PLCB4: variants seen among roughly 807,000 people sequenced by gnomAD.
The protein encoded by PLCB4 is phospholipase C beta 4.
PLCB4 carries 77 observed loss-of-function variants against 178.8 expected under a neutral mutation model. The observed-to-expected ratio is 0.43, with a 90% CI of 0.36 to 0.52. The LOEUF is 0.52. Ranked by LOEUF, PLCB4 falls within the 20% of genes least tolerant of loss-of-function variation. The pLI is 0.00. For synonymous variants in PLCB4, 496 were observed against 490.8 expected, an observed-to-expected ratio of 1.01 and a Z score of -0.14; for missense variants, 1,024 against 1,453.4, an observed-to-expected ratio of 0.70 and a Z score of 4.80.
At chr20:9,377,169 GTAA>G (rs748964020) in intron 12 of PLCB4, among the ~76,000 whole-genome samples, 1 of 152,160 alleles carries the variant, frequency 6.6e-6, no homozygotes, top group South Asian at 2.1e-4. Context: ...CAGTAAGGAC[GTAA>G]TACTGGAGTT....
At chr20:9,409,449 C>T (rs2039702902) in intron 24 of PLCB4, among the ~76,000 whole-genome samples, 1 of 151,982 alleles carries the variant, frequency 6.6e-6, no homozygotes, top group South Asian at 2.1e-4. Flanking sequence ...TCCCATATTC[C>T]AAAATATTTC....
At chr20:9,276,905 C>G (rs950165155) in intron 3 of PLCB4, among the ~76,000 whole-genome samples, 1 of 151,982 alleles carries the variant, frequency 6.6e-6, no homozygotes, top group Non-Finnish European at 1.5e-5. Context: ...ATCCTGCACT[C>G]CAGCCTGGGT....
chr20:9,451,324 A>G (rs1602880010), intron 32 of PLCB4, among the ~76,000 whole-genome samples: 1 of 152,172 alleles, frequency 6.6e-6, no homozygotes, highest in Non-Finnish European at 1.5e-5. Flanking sequence ...CAAAGTCTCT[A>G]CTTGTCCTGT....
intron 30 of PLCB4, among the ~76,000 whole-genome samples, chr20:9,442,789 G>A (rs1386761092): frequency 6.6e-6 from 1 of 152,046 alleles, no homozygotes; most frequent in Non-Finnish European, 1.5e-5. Context: ...TTTATACCCC[G>A]ATCATAAAAT....
intron 4 of PLCB4, among the ~76,000 whole-genome samples, chr20:9,315,934 C>G (rs2094893594): frequency 1.3e-5 from 2 of 148,310 alleles, no homozygotes; most frequent in African/African-American, 5.1e-5. Flanking sequence ...GAGCGAGATT[C>G]TGTCTAAAAA....
At chr20:9,464,993 A>G (rs1280453101) in intron 35 of PLCB4, among the ~76,000 whole-genome samples, 1 of 152,246 alleles carries the variant, frequency 6.6e-6, no homozygotes, top group African/African-American at 2.4e-5. Context: ...AGAGAATTTT[A>G]GACCAATATC....
At chr20:9,180,726 A>G (rs1180122033) in intron 2 of PLCB4, among the ~76,000 whole-genome samples, 1 of 152,090 alleles carries the variant, frequency 6.6e-6, no homozygotes, top group East Asian at 1.9e-4. Flanking sequence ...ATTCACGCCC[A>G]TTTCACCCAT....
intron 3 of PLCB4, among the ~76,000 whole-genome samples, chr20:9,252,006 C>A (rs569342267): frequency 5.9e-5 from 9 of 152,206 alleles, no homozygotes; most frequent in African/African-American, 2.2e-4. Flanking sequence ...ATGCCTATAG[C>A]ACGTCTCAAT....
intron 7 of PLCB4, 114 bp from the exon 8 acceptor site, chr20:9,362,782 A>T (rs915826374): frequency 1.4e-6 from 1 of 691,200 alleles, no homozygotes; most frequent in Non-Finnish European, 2.6e-6. Flanking sequence ...GAAAGGGACA[A>T]AAGAAGAGTT....
At chr20:9,232,820 G>C (rs937811988) in intron 3 of PLCB4, among the ~76,000 whole-genome samples, 2 of 152,078 alleles carry the variant, frequency 1.3e-5, no homozygotes, top group Admixed American at 6.6e-5. Context: ...ATAAGAACAG[G>C]AGAAAAATAG....
chr20:9,174,452 C>CTTTTTTTTTTTTTT (rs71184133), intron 2 of PLCB4, among the ~76,000 whole-genome samples: 1 of 141,416 alleles, frequency 7.1e-6, no homozygotes. Context: ...GCCTATTCTT[C>CTTTTTTTTTTTTTT]TTTTTTTTTT....
chr20:9,069,371 G>C (rs1225261875), intron 1 of PLCB4, among the ~76,000 whole-genome samples, 165 bp downstream of exon 1: 1 of 152,102 alleles, frequency 6.6e-6, no homozygotes, highest in Non-Finnish European at 1.5e-5. Context: ...CTGTGCGCGC[G>C]GGAGGCAGGG....
chr20:9,280,449 AG>A (rs2094485127), intron 3 of PLCB4: 1 of 984,368 alleles, frequency 1.0e-6, no homozygotes, highest in Non-Finnish European at 1.2e-6. Context: ...ATGGAATGGC[AG>A]GGGAGAAGGG....
At chr20:9,171,367 C>T (rs868729967) in intron 2 of PLCB4, among the ~76,000 whole-genome samples, 2 of 152,102 alleles carry the variant, frequency 1.3e-5, no homozygotes, top group Non-Finnish European at 2.9e-5. Flanking sequence ...CCAGTAGTTT[C>T]AAAAAGTACA....
chr20:9,170,720 C>T (rs1229348120), intron 2 of PLCB4, among the ~76,000 whole-genome samples: 1 of 152,186 alleles, frequency 6.6e-6, no homozygotes, highest in Non-Finnish European at 1.5e-5. Context: ...TCAGCTTTAC[C>T]TTCAGGTACC....
intron 2 of PLCB4, among the ~76,000 whole-genome samples, chr20:9,207,598 A>G (rs2093628483): frequency 1.3e-5 from 2 of 152,186 alleles, no homozygotes; most frequent in Admixed American, 1.3e-4. Context: ...CCGTGCTGCC[A>G]TTGCTATGGG....
chr20:9,391,849 C>A (rs2053373972), intron 17 of PLCB4, among the ~76,000 whole-genome samples: 1 of 152,186 alleles, frequency 6.6e-6, no homozygotes, highest in African/African-American at 2.4e-5. Flanking sequence ...AGCACCTGCT[C>A]TTCTCTGCCT....
rs536118545 is a variant in PLCB4, at chr20:9,096,291, A to C, written c.-130A>C. Reference sequence around the variant, plus strand: ...TCTTCTATTTTTTCTTCACAGGAAAAGACAATTTCTCTCTGATTCAGAATC... The same window carrying C: ...TCTTCTATTTTTTCTTCACAGGAAACGACAATTTCTCTCTGATTCAGAATC... On this transcript the variant is annotated 5_prime_UTR_variant, in exon 2 of 40. Transcript: ENST00000378473. The C allele has an allele frequency of 6.6e-6, 1 of 152,286 alleles. No homozygotes were observed. The highest frequency in any genetic ancestry group is 2.1e-4 in the South Asian group (1 of 4,830). 9.4% of individuals were successfully genotyped at this position (152,286 alleles called of 1,614,324 possible). A position where few individuals can be genotyped will look rare whatever the true frequency, so the allele number is the denominator to read the frequency against.
chr20:9,420,955 G>A (rs2148565926), intron 26 of PLCB4, among the ~76,000 whole-genome samples: 1 of 152,276 alleles, frequency 6.6e-6, no homozygotes, highest in Non-Finnish European at 1.5e-5. Flanking sequence ...AGGGTCTTAG[G>A]ACATACCTGA....
Sources: allele counts gnomAD v4.1 joint callset (sites outside exome capture counted in the v4.1 genomes callset), GRCh38; gene constraint gnomAD v4.1.1; transcripts MANE v1.5; gene names NCBI Gene and HGNC (gene_info 2026-07-23, HGNC 2026-07-21).